The following GRB7 variants were observed in gnomAD, a reference collection of about 807,000 sequenced individuals.
The protein encoded by GRB7 is growth factor receptor-bound protein 7.
In GRB7, 47 loss-of-function variants were observed where a neutral mutation model predicts 64.1. That is an observed-to-expected ratio of 0.73 (90% CI 0.58 to 0.94). The LOEUF is 0.94. Among genes scored for constraint, GRB7 ranks in the 40% least tolerant of loss-of-function variants. The pLI is 0.00. For missense variants in GRB7, 634 were observed against 718.4 expected, an observed-to-expected ratio of 0.88 and a Z score of 1.34; for synonymous variants, 277 against 279.9, an observed-to-expected ratio of 0.99 and a Z score of 0.10.
chr17:39,741,742 G>A (rs996578860), intron 1 of GRB7, among the ~76,000 whole-genome samples: 3 of 152,284 alleles, frequency 2.0e-5, no homozygotes, highest in South Asian at 4.1e-4. Flanking sequence ...CACTGGAGCC[G>A]GGCGTGGTGG....
chr17:39,742,942 G>A lies in GRB7; in HGVS notation c.351G>A (p.Glu117=). The change falls in exon 4 of 15, where the codon GAG becomes GAA. Residue 117 remains glutamate (E), a synonymous_variant. Coordinates refer to ENST00000309156, the MANE Select transcript of GRB7 (RefSeq NM_005310.5). ...YSEDGACRSV[E]VAAGATARHV... ...AGGATGGGGCCTGCAGGTCTGTGGA[G>A]GTGGCAGCAGGTGCCACAGCTCGCC... 1 of 1,612,206 alleles carries A rather than the reference G, an allele frequency of 6.2e-7. No homozygotes were observed. The highest frequency in any genetic ancestry group is 1.1e-5 in the South Asian group (1 of 90,792).
In GRB7 at chr17:39,743,997, A is replaced by G. The variant is rs567691473; in HGVS notation, c.664-73A>G. 121 of 1,567,840 alleles carry G rather than the reference A, an allele frequency of 7.7e-5. No homozygotes were observed. The African/African-American group carries it at 1.4e-3, about 18-fold the overall frequency. ...CTGTCTCAAAAAGAAAAAGAAAAAGAGAAACATCCTGGTGGTAGAGGGGAA... is the reference window on the plus strand; with the variant it reads ...CTGTCTCAAAAAGAAAAAGAAAAAGGGAAACATCCTGGTGGTAGAGGGGAA... On this transcript the variant is annotated intron_variant, in intron 6 of 14. Transcript: ENST00000309156.
intron 6 of GRB7, 89 bp downstream of exon 6, chr17:39,743,559 A>C: frequency 9.6e-7 from 1 of 1,039,116 alleles, no homozygotes; most frequent in Non-Finnish European, 1.5e-6. Flanking sequence ...CCTCCCCTCT[A>C]TGTTGTAGAA....
intron 3 of GRB7, 60 bp from the exon 4 acceptor site, chr17:39,742,838 G>T (rs574214933): frequency 6.5e-7 from 1 of 1,538,188 alleles, no homozygotes; most frequent in African/African-American, 1.4e-5. Context: ...TAGCAGGTGC[G>T]GAAAGGGAAT....
chr17:39,743,274 C>G lies in GRB7; in HGVS notation c.558C>G (p.Ala186=), dbSNP rs1431590221. 1.2e-6 allele frequency: 2 copies of G among 1,614,224 alleles called. No individual in the cohort carries two copies. Among genetic ancestry groups the G allele is most frequent in the South Asian group, 2.2e-5 (2 of 91,086 alleles). Residue 186 remains alanine, a synonymous_variant, in exon 5 of 15, where the codon GCC becomes GCG. Coordinates refer to ENST00000309156, the MANE Select transcript of GRB7 (RefSeq NM_005310.5). ...DSRFVFRKNF[A]KYELFKSSPH... is the part of the protein sequence containing the mutation. ...GCTTCGTCTTCCGGAAAAACTTCGC[C>G]AAGTACGAACTGTTCAAGAGCTCCC...
At position 39,744,566 on chromosome 17, in the gene GRB7, T is replaced by TG. The variant is rs758180985; in HGVS notation, c.816dup (p.Gln273AlafsTer26). The TG allele has an allele frequency of 1.9e-6, 3 of 1,609,796 alleles. No individual in the cohort carries two copies. Among genetic ancestry groups the TG allele is most frequent in the South Asian group, 2.2e-5 (2 of 90,192 alleles). ...CATGCTGCTTAGGATCCGAGGCACC[T>TG]GCAGTACGTGGCAGATGTGAACGAG... On this transcript the variant is annotated frameshift_variant, in exon 8 of 15. Coordinates refer to ENST00000309156, the MANE Select transcript of GRB7 (RefSeq NM_005310.5). LOFTEE classifies it high-confidence loss of function.
At position 39,738,845 on chromosome 17, in the gene GRB7, G is replaced by A. The variant is rs1292601270; in HGVS notation, c.-51+712G>A. 3 of 1,499,852 alleles carry A rather than the reference G, an allele frequency of 2.0e-6. No individual in the cohort carries two copies. The African/African-American group carries it at 4.1e-5, about 21-fold the overall frequency. The allele number at this position is 1,499,852 out of a possible 1,614,324, so 92.9% of individuals were successfully genotyped here. ...GTGAAGGAGAGGGATCCTCTAAATT[G>A]TCGAGGCTTCATCTCTCCAGATTGT... On this transcript the variant is annotated intron_variant, in intron 1 of 14. Coordinates refer to ENST00000309156, the MANE Select transcript of GRB7 (RefSeq NM_005310.5).
At position 39,745,898 on chromosome 17, in the gene GRB7, C is replaced by T; in HGVS notation, c.1271-15C>T. ...CCCTCCCCAAAGTGACCGCCCATGTCCTTCCCCACCACAGCCATCCACCGC... is the reference window on the plus strand; with the variant it reads ...CCCTCCCCAAAGTGACCGCCCATGTTCTTCCCCACCACAGCCATCCACCGC... On this transcript the variant is annotated splice_polypyrimidine_tract_variant and intron_variant, in intron 12 of 14. Coordinates refer to ENST00000309156, the MANE Select transcript of GRB7 (RefSeq NM_005310.5). 1 of 1,613,860 alleles carries T rather than the reference C, an allele frequency of 6.2e-7. No individual in the cohort carries two copies. Among genetic ancestry groups the T allele is most frequent in the Non-Finnish European group, 8.5e-7 (1 of 1,179,824 alleles).
intron 7 of GRB7, 89 bp downstream of exon 7, chr17:39,744,296 C>A: frequency 6.6e-7 from 1 of 1,510,246 alleles, no homozygotes; most frequent in Non-Finnish European, 9.0e-7. Flanking sequence ...CTGAGCCCTT[C>A]TCCCCCTGGG....
At chr17:39,740,432 C>A (rs891375685) in intron 1 of GRB7, among the ~76,000 whole-genome samples, 1 of 152,180 alleles carries the variant, frequency 6.6e-6, no homozygotes, top group Non-Finnish European at 1.5e-5. Flanking sequence ...CTGAGCGATG[C>A]TTTGGGTGGG....
At position 39,742,258 on chromosome 17, in the gene GRB7, G is replaced by A; in HGVS notation, c.-44G>A. ...TCTCATCCCCTCTCCCCAGGACAAG[G>A]GCACACAACTGGTTCCGTTAAGCCC... is the stretch of plus-strand genomic sequence containing the variant. On this transcript the variant is annotated 5_prime_UTR_variant, in exon 2 of 15. Transcript: ENST00000309156. The A allele has an allele frequency of 5.6e-6, 9 of 1,612,920 alleles. No individual in the cohort carries two copies. The highest frequency in any genetic ancestry group is 4.0e-5 in the African/African-American group (3 of 74,986).
At chr17:39,744,490 T>TG (rs1403427566) in intron 7 of GRB7, 63 bp from the exon 8 acceptor site, 6 of 1,323,034 alleles carry the variant, frequency 4.5e-6, no homozygotes, top group African/African-American at 1.5e-5. Flanking sequence ...ACCTGGCTTG[T>TG]GGGGGGAGGT....
At chr17:39,739,040 G>A in intron 1 of GRB7, 1 of 949,434 alleles carries the variant, frequency 1.1e-6, no homozygotes, top group South Asian at 1.8e-5. Flanking sequence ...GATAGCAGAT[G>A]GTTTCTTCTG....
At chr17:39,746,666 G>T in intron 14 of GRB7, 85 bp from the exon 15 acceptor site, 1 of 1,418,442 alleles carries the variant, frequency 7.0e-7, no homozygotes, top group East Asian at 2.3e-5. Flanking sequence ...AAGAATAAAA[G>T]GAAATGGTGG....
In GRB7 at chr17:39,745,006, G is replaced by C; in HGVS notation, c.1011+22G>C. Reference sequence around the variant, plus strand: ...CAAGGTGAGACCCTGGGAGTGGCATGGGGGGCTGGCCTGGCCAGAGGGATC... The same window carrying C: ...CAAGGTGAGACCCTGGGAGTGGCATCGGGGGCTGGCCTGGCCAGAGGGATC... On this transcript the variant is annotated intron_variant, in intron 9 of 14. Coordinates refer to ENST00000309156, the MANE Select transcript of GRB7 (RefSeq NM_005310.5). 3.1e-6 allele frequency: 5 copies of C among 1,592,112 alleles called. No homozygotes were observed. In the South Asian group the frequency reaches 5.5e-5, roughly 18 times the overall value.
intron 9 of GRB7, 121 bp downstream of exon 9, chr17:39,745,105 A>G (rs1648012725): frequency 1.8e-6 from 2 of 1,096,522 alleles, no homozygotes; most frequent in African/African-American, 1.6e-5. Flanking sequence ...CCCCCAGTCC[A>G]AGCCTGAAGT....
Position 39,745,413 on chromosome 17 carries a change from C to T in GRB7, c.1093-9C>T. 1 of 1,613,354 alleles carries T rather than the reference C, an allele frequency of 6.2e-7. No homozygotes were observed. Among genetic ancestry groups the T allele is most frequent in the Non-Finnish European group, 8.5e-7 (1 of 1,179,358 alleles). ...TGTTCTGACCTCTCTCCTCTCCTTC[C>T]ATCTCCAGAGAAGTGCCTCAGATAA... is the stretch of plus-strand genomic sequence containing the variant. On this transcript the variant is annotated splice_polypyrimidine_tract_variant and intron_variant, in intron 10 of 14. Transcript: ENST00000309156.
chr17:39,739,364 G>C (rs538304007), intron 1 of GRB7, among the ~76,000 whole-genome samples: 67 of 152,336 alleles, frequency 4.4e-4, no homozygotes, highest in Non-Finnish European at 6.5e-4. Context: ...TCTCCCATTG[G>C]GTATTTTTCC....
chr17:39,745,632 G>A lies in GRB7; in HGVS notation c.1209+94G>A, dbSNP rs1318094271. ...GAGGGAGGAAGAGAGGGCGGGGGGA[G>A]GCCCCTGGCTGGGAAGAAGTGCTCT... On this transcript the variant is annotated intron_variant, in intron 11 of 14. Transcript: ENST00000309156. The A allele has an allele frequency of 2.2e-5, 34 of 1,561,134 alleles. No individual in the cohort carries two copies. In the South Asian group the frequency reaches 3.0e-4, roughly 14 times the overall value.
Sources: gnomAD v4.1 joint callset for allele counts (sites outside exome capture counted in the v4.1 genomes callset) on GRCh38, gnomAD v4.1.1 for gene constraint, MANE v1.5 for transcripts, NCBI Gene and HGNC (gene_info 2026-07-23, HGNC 2026-07-21) for gene names.